The following RGL1 variants were observed in gnomAD, a reference collection of about 807,000 sequenced individuals.
RGL1 encodes ral guanine nucleotide dissociation stimulator like 1.
RGL1 carries 24 observed loss-of-function variants against 95.2 expected under a neutral mutation model. That is an observed-to-expected ratio of 0.25 (90% CI 0.18 to 0.35). RGL1 has a LOEUF of 0.35. Ranked by LOEUF, RGL1 falls within the 10% of genes least tolerant of loss-of-function variation. The pLI is 1.00. For missense variants in RGL1, 715 were observed against 936.3 expected (o/e 0.76, Z 3.08); for synonymous variants, 329 against 344.9 (o/e 0.95, Z 0.51).
In RGL1 at chr1:183,880,754, A is replaced by C; in HGVS notation, c.564A>C (p.Ala188=). 1 of 1,613,978 alleles carries C rather than the reference A, an allele frequency of 6.2e-7. No individual in the cohort carries two copies. The highest frequency in any genetic ancestry group is 1.1e-5 in the South Asian group (1 of 91,076). ...MMPGSDPERR[A]QNLLEQFQKQ... ...CGGGCTCTGACCCAGAAAGAAGAGC[A>C]CAAAATCTTCTTGAGCAGTTTCAGA... The change falls in exon 5 of 18, where the codon GCA becomes GCC. Residue 188 remains alanine, a synonymous_variant. Transcript: ENST00000360851.
Position 183,912,059 on chromosome 1 carries a change from CTTGGCATT to C in RGL1, c.1563-22_1563-15del, listed in dbSNP as rs778072272. 6 of 1,605,070 alleles carry C rather than the reference CTTGGCATT, an allele frequency of 3.7e-6. No individual in the cohort carries two copies. The highest frequency in any genetic ancestry group is 5.1e-6 in the Non-Finnish European group (6 of 1,173,716). ...TTCCAGATTTGTAACAGCCCAAATG[CTTGGCATT>C]CTGTTTTTTTCCAGACTGTTTCTAG... is the stretch of plus-strand genomic sequence containing the variant. On this transcript the variant is annotated splice_polypyrimidine_tract_variant and intron_variant, in intron 14 of 17. Coordinates refer to ENST00000360851, the MANE Select transcript of RGL1 (RefSeq NM_001297671.3).
chr1:183,839,983 T>G (rs1403547051), intron 2 of RGL1, among the ~76,000 whole-genome samples: 1 of 152,230 alleles, frequency 6.6e-6, no homozygotes, highest in African/African-American at 2.4e-5. Context: ...GAGGAAACTT[T>G]CCATTTTTAT....
chr1:183,714,806 C>G (rs1655511141), intron 1 of RGL1, among the ~76,000 whole-genome samples: 1 of 152,168 alleles, frequency 6.6e-6, no homozygotes, highest in African/African-American at 2.4e-5. Flanking sequence ...TCCCAGCCAC[C>G]TGAAAGAGCT....
chr1:183,755,883 CTTTT>C (rs533584889), intron 2 of RGL1, among the ~76,000 whole-genome samples: 10 of 136,386 alleles, frequency 7.3e-5, no homozygotes, highest in South Asian at 2.4e-4. Flanking sequence ...TGAGTTCATT[CTTTT>C]TTTTTTTTTT....
chr1:183,899,669 T>C (rs1016375169), intron 10 of RGL1, among the ~76,000 whole-genome samples: 2 of 152,122 alleles, frequency 1.3e-5, no homozygotes, highest in Admixed American at 6.5e-5. Flanking sequence ...TTACTGTTTT[T>C]CTCTTTCCCT....
At chr1:183,868,679 A>G (rs1412878400) in intron 4 of RGL1, among the ~76,000 whole-genome samples, 1 of 152,240 alleles carries the variant, frequency 6.6e-6, no homozygotes, top group African/African-American at 2.4e-5. Context: ...AAGGAGAGAT[A>G]CTGTAAGAAT....
chr1:183,780,274 G>T (rs150594765), intron 2 of RGL1, among the ~76,000 whole-genome samples: 1 of 152,126 alleles, frequency 6.6e-6, no homozygotes, highest in Admixed American at 6.5e-5. Context: ...CCTCCTTGTC[G>T]TCAAGGGCAT....
chr1:183,746,208 C>G (rs935912269), intron 2 of RGL1, among the ~76,000 whole-genome samples: 2 of 152,054 alleles, frequency 1.3e-5, no homozygotes, highest in African/African-American at 4.8e-5. Context: ...TCTTTGATTT[C>G]TTTCCCTGCA....
chr1:183,882,692 C>T (rs545997986), intron 5 of RGL1, among the ~76,000 whole-genome samples: 5 of 152,274 alleles, frequency 3.3e-5, no homozygotes, highest in African/African-American at 9.6e-5. Context: ...ACATACCTGC[C>T]ACCAGTATAG....
At chr1:183,727,862 C>G (rs538760541) in intron 1 of RGL1, among the ~76,000 whole-genome samples, 1 of 152,102 alleles carries the variant, frequency 6.6e-6, no homozygotes, top group Non-Finnish European at 1.5e-5. Flanking sequence ...GCATGAAATA[C>G]GTGAGTATGA....
chr1:183,910,092 T>C (rs1350156023), intron 14 of RGL1, among the ~76,000 whole-genome samples: 1 of 152,186 alleles, frequency 6.6e-6, no homozygotes, highest in Non-Finnish European at 1.5e-5. Context: ...CTTCTTTCCT[T>C]CCTTCCTTCC....
chr1:183,657,438 C>CGGAGG (rs1651256731), intron 1 of RGL1, among the ~76,000 whole-genome samples: 2 of 152,170 alleles, frequency 1.3e-5, no homozygotes, highest in Non-Finnish European at 2.9e-5. Flanking sequence ...TATCCCTCCC[C>CGGAGG]GCTCCCTCCA....
chr1:183,906,546 T>TTATCTAA (rs1327053307), intron 13 of RGL1, among the ~76,000 whole-genome samples: 15 of 152,192 alleles, frequency 9.9e-5, no homozygotes, highest in Non-Finnish European at 2.2e-4. Flanking sequence ...TCAGATAGAT[T>TTATCTAA]ACAAAAGTCT....
In RGL1 at chr1:183,893,130, A is replaced by G. The variant is rs150186801; in HGVS notation, c.1140+969A>G. Among the ~76,000 whole-genome samples, 974 of 152,338 alleles carry G rather than the reference A, an allele frequency of 6.4e-3. 9 individuals are homozygous for G. The highest frequency in any genetic ancestry group is 0.016 in the African/African-American group (660 of 41,572). On this transcript the variant is annotated intron_variant, in intron 9 of 17. Coordinates refer to ENST00000360851, the MANE Select transcript of RGL1 (RefSeq NM_001297671.3). ...GAGAAGGTAAATTAGTAGTTCAGTA[A>G]ATATTGGTTGAGCACCCACTAGGTA...
chr1:183,912,247 C>G lies in RGL1; in HGVS notation c.1728C>G (p.Thr576=), dbSNP rs1558290416. The G allele has an allele frequency of 3.7e-6, 6 of 1,613,844 alleles. No individual in the cohort carries two copies. The highest frequency in any genetic ancestry group is 5.1e-6 in the Non-Finnish European group (6 of 1,179,916). Residue 576 remains threonine (T), a synonymous_variant, in exon 15 of 18, where the codon ACC becomes ACG. Coordinates refer to ENST00000360851, the MANE Select transcript of RGL1 (RefSeq NM_001297671.3). ...AGGGCTCCATTACTCCCATGGACAC[C>G]CCTGATGAGCCTCAAAAAAAGGTAT... ...AEEGSITPMD[T]PDEPQKKLSE... is the part of the protein sequence containing the mutation.
intron 1 of RGL1, among the ~76,000 whole-genome samples, chr1:183,704,149 G>A (rs1423952387): frequency 6.6e-6 from 1 of 152,198 alleles, no homozygotes; most frequent in Non-Finnish European, 1.5e-5. Context: ...TAATCTGCTA[G>A]TGCATTTCCA....
chr1:183,713,379 C>CCCCG (rs1553273641), intron 1 of RGL1, among the ~76,000 whole-genome samples: 1 of 126,780 alleles, frequency 7.9e-6, no homozygotes, highest in Admixed American at 7.9e-5. Context: ...TAGAGGCACC[C>CCCCG]CCCCCCCCCG....
chr1:183,733,500 G>T (rs544977865), intron 1 of RGL1, among the ~76,000 whole-genome samples: 47 of 152,214 alleles, frequency 3.1e-4, no homozygotes, highest in African/African-American at 1.1e-3. Flanking sequence ...CATGGGAAAG[G>T]TTTGCCATGT....
At chr1:183,913,487 A>G (rs760103728) in intron 15 of RGL1, among the ~76,000 whole-genome samples, 79 of 152,216 alleles carry the variant, frequency 5.2e-4, no homozygotes, top group Non-Finnish European at 8.4e-4. Context: ...GCACCCCACC[A>G]ATATCAGTGT....
Sources: allele counts gnomAD v4.1 joint callset (sites outside exome capture counted in the v4.1 genomes callset), GRCh38; gene constraint gnomAD v4.1.1; transcripts MANE v1.5; gene names NCBI Gene and HGNC (gene_info 2026-07-23, HGNC 2026-07-21).